Variants in TMEM131 observed in about 807,000 individuals in gnomAD.
The protein encoded by TMEM131 is transmembrane protein 131.
In TMEM131, 66 loss-of-function variants were observed where a neutral mutation model predicts 211.6. The ratio of observed to expected loss-of-function variants is 0.31; its 90% CI spans 0.26 to 0.38. The LOEUF (loss-of-function observed/expected upper bound fraction) is 0.38. TMEM131 is among the 10% of genes least tolerant of loss of function. The pLI is 1.00. For synonymous variants in TMEM131, 844 were observed against 841.3 expected (o/e 1.00, Z -0.06); for missense variants, 2,036 against 2,299.3 (o/e 0.89, Z 2.34).
At chr2:97,913,082 A>T (rs973172147) in intron 2 of TMEM131, 1 of 152,188 alleles carries the variant, frequency 6.6e-6, no homozygotes, top group Non-Finnish European at 1.5e-5. Context: ...ACACCAAAAA[A>T]CATGCTGGAC....
intron 5 of TMEM131, among the ~76,000 whole-genome samples, chr2:97,854,842 T>TCA (rs1226118610): frequency 6.6e-6 from 1 of 152,172 alleles, no homozygotes; most frequent in East Asian, 1.9e-4. Flanking sequence ...CAGTCCTACC[T>TCA]CACGCCCTTC....
At chr2:97,767,878 A>G (rs940178515) in intron 33 of TMEM131, among the ~76,000 whole-genome samples, 5 of 152,170 alleles carry the variant, frequency 3.3e-5, no homozygotes, top group Non-Finnish European at 5.9e-5. Flanking sequence ...TCTGGGTCAG[A>G]GGCAATCTGC....
chr2:97,939,043 A>G (rs1255325339), intron 1 of TMEM131, among the ~76,000 whole-genome samples: 1 of 152,208 alleles, frequency 6.6e-6, no homozygotes, highest in Non-Finnish European at 1.5e-5. Context: ...GTAGAGGGAA[A>G]TTTATACCAC....
Position 97,814,386 on chromosome 2 carries a change from T to C in TMEM131, c.1295A>G (p.Tyr432Cys). 6.3e-7 allele frequency: 1 copy of C among 1,587,006 alleles called. No homozygotes were observed. The highest frequency in any genetic ancestry group is 8.6e-7 in the Non-Finnish European group (1 of 1,169,564). Residue 432 changes from tyrosine to cysteine, a missense_variant and splice_region_variant, in exon 14 of 41, where the codon TAT becomes TGT. This residue lies in a region of TMEM131 where 1,623 missense variants were observed against 1,805.9 expected (regional missense o/e 0.90). Transcript: ENST00000186436. ...TGTTGCAGCATGATCAAATCCCAAA[T>C]AACTATTAAAAAAAACAACAAGAAC... ...IPYQAEVLDGYLGFDHAATLF... is the reference protein window; with the variant it reads ...IPYQAEVLDGCLGFDHAATLF...
intron 1 of TMEM131, among the ~76,000 whole-genome samples, chr2:97,943,159 G>C (rs1486785399): frequency 6.6e-6 from 1 of 151,966 alleles, no homozygotes; most frequent in Non-Finnish European, 1.5e-5. Context: ...GAGGCAGAAA[G>C]ATTGCTTAAA....
At chr2:97,792,209 C>T (rs1190223457) in intron 31 of TMEM131, among the ~76,000 whole-genome samples, 177 bp downstream of exon 31, 1 of 152,218 alleles carries the variant, frequency 6.6e-6, no homozygotes, top group African/African-American at 2.4e-5. Context: ...TCTTTTATGA[C>T]AGATACCTCT....
At chr2:97,891,543 A>T (rs1675375645) in intron 3 of TMEM131, among the ~76,000 whole-genome samples, 1 of 152,252 alleles carries the variant, frequency 6.6e-6, no homozygotes, top group East Asian at 1.9e-4. Context: ...ATGAATGAAG[A>T]CTATTTTCTG....
chr2:97,884,723 G>GTACT (rs1194983714), intron 4 of TMEM131, among the ~76,000 whole-genome samples: 3 of 152,154 alleles, frequency 2.0e-5, no homozygotes, highest in African/African-American at 7.2e-5. Context: ...TTGGCCTTAT[G>GTACT]TAAGTAATGC....
chr2:97,912,195 CTG>C (rs1242133778), intron 2 of TMEM131, among the ~76,000 whole-genome samples: 1 of 151,998 alleles, frequency 6.6e-6, no homozygotes, highest in Non-Finnish European at 1.5e-5. Context: ...TACATAAAAA[CTG>C]TTATAATTCG....
intron 39 of TMEM131, chr2:97,759,394 C>A: frequency 1.9e-6 from 1 of 526,706 alleles, no homozygotes; most frequent in Non-Finnish European, 3.4e-6. Flanking sequence ...CAGAACCCTT[C>A]TGTGAAGCCC....
At chr2:97,951,987 T>C (rs2104534848) in intron 1 of TMEM131, among the ~76,000 whole-genome samples, 1 of 151,902 alleles carries the variant, frequency 6.6e-6, no homozygotes, top group Non-Finnish European at 1.5e-5. Flanking sequence ...TGAAACCCCA[T>C]CTCTACTAAA....
At chr2:97,836,976 A>G in intron 8 of TMEM131, 101 bp downstream of exon 8, 1 of 866,504 alleles carries the variant, frequency 1.2e-6, no homozygotes, top group South Asian at 1.5e-5. Context: ...AAGAGAAGTC[A>G]TCCATATTTG....
At chr2:97,842,261 AC>A (rs2105101038) in intron 6 of TMEM131, among the ~76,000 whole-genome samples, 1 of 152,344 alleles carries the variant, frequency 6.6e-6, no homozygotes, top group African/African-American at 2.4e-5. Context: ...AGATGGATCT[AC>A]GGCCCAGACA....
chr2:97,982,280 T>C (rs1027718812), intron 1 of TMEM131, among the ~76,000 whole-genome samples: 4 of 152,234 alleles, frequency 2.6e-5, no homozygotes, highest in African/African-American at 7.2e-5. Flanking sequence ...TAGCTAATGA[T>C]GTAGAGCATC....
intron 35 of TMEM131, among the ~76,000 whole-genome samples, 174 bp downstream of exon 35, chr2:97,765,940 A>AT (rs1432688766): frequency 6.6e-6 from 1 of 151,966 alleles, no homozygotes; most frequent in Non-Finnish European, 1.5e-5. Flanking sequence ...ACCAGGACTG[A>AT]TTTCAACCTA....
At chr2:97,841,773 C>T in intron 7 of TMEM131, 42 bp downstream of exon 7, 1 of 1,528,760 alleles carries the variant, frequency 6.5e-7, no homozygotes, top group Non-Finnish European at 8.8e-7. Context: ...CATTAATTCC[C>T]ACCAAAATGA....
chr2:97,857,970 C>A (rs1375886735), intron 5 of TMEM131, among the ~76,000 whole-genome samples: 1 of 152,152 alleles, frequency 6.6e-6, no homozygotes. Context: ...GATATTTCCA[C>A]AAAGATCCCC....
chr2:97,819,234 G>C (rs1681994950), intron 11 of TMEM131, among the ~76,000 whole-genome samples: 1 of 152,162 alleles, frequency 6.6e-6, no homozygotes, highest in African/African-American at 2.4e-5. Flanking sequence ...TGCGAGTGAG[G>C]CATGCTGCTA....
intron 36 of TMEM131, chr2:97,761,220 C>T (rs115671214): frequency 8.9e-4 from 208 of 234,464 alleles, no homozygotes; most frequent in African/African-American, 4.3e-3. Context: ...GAGAGCCACT[C>T]GGCAGGAAAT....
Sources: gnomAD v4.1 joint callset for allele counts (sites outside exome capture counted in the v4.1 genomes callset) on GRCh38, gnomAD v4.1.1 for gene constraint, gnomAD v4.1.1 regional missense constraint, MANE v1.5 for transcripts, NCBI Gene and HGNC (gene_info 2026-07-23, HGNC 2026-07-21) for gene names.